The following RASA2 variants were observed in gnomAD, a reference collection of about 807,000 sequenced individuals.
RASA2 encodes RAS p21 protein activator 2, also known as ras GTPase-activating protein 2.
A neutral mutation model predicts 118.2 loss-of-function variants in RASA2; 155 were observed. That is an observed-to-expected ratio of 1.31 (90% CI 1.15 to 1.50). The LOEUF is 1.50. RASA2 is among the 40% of genes most tolerant of loss of function. RASA2 has a pLI of 0.00. For synonymous variants in RASA2, 353 were observed against 349.1 expected (o/e 1.01, Z -0.12); for missense variants, 1,016 against 1,009.6 (o/e 1.01, Z -0.09).
chr3:141,602,152 T>C (rs2083474143), intron 19 of RASA2, among the ~76,000 whole-genome samples: 1 of 152,220 alleles, frequency 6.6e-6, no homozygotes, highest in Non-Finnish European at 1.5e-5. Flanking sequence ...TCCCAAGTTA[T>C]GTGTCACACT....
intron 1 of RASA2, among the ~76,000 whole-genome samples, chr3:141,496,569 T>C (rs1446529783): frequency 1.3e-5 from 2 of 152,150 alleles, no homozygotes; most frequent in East Asian, 1.9e-4. Context: ...AAATAATGCT[T>C]ATCATCACTG....
At chr3:141,531,702 C>T (rs1238183975) in intron 4 of RASA2, among the ~76,000 whole-genome samples, 1 of 151,872 alleles carries the variant, frequency 6.6e-6, no homozygotes, top group African/African-American at 2.4e-5. Context: ...CTTTACAACT[C>T]TTTTGTCTTA....
intron 9 of RASA2, among the ~76,000 whole-genome samples, chr3:141,560,250 A>C (rs974801588): frequency 2.3e-4 from 35 of 152,306 alleles, no homozygotes; most frequent in African/African-American, 7.9e-4. Context: ...ACGACTCTTA[A>C]GGAGAAAAAT....
intron 19 of RASA2, among the ~76,000 whole-genome samples, chr3:141,599,245 T>A (rs900605745): frequency 2.0e-5 from 3 of 150,636 alleles, no homozygotes; most frequent in African/African-American, 7.3e-5. Flanking sequence ...TTTTGGGTTT[T>A]TTTTTTTTTT....
In RASA2 at chr3:141,563,028, A is replaced by G. The variant is rs902965729; in HGVS notation, c.863+3033A>G. On this transcript the variant is annotated intron_variant, in intron 9 of 23. Coordinates refer to ENST00000286364, the MANE Select transcript of RASA2 (RefSeq NM_006506.5). ...TTCTCTCATTTACATAGCATTATGT[A>G]CAAATAATTGCACTTTGGGTTTGTC... 4.6e-5 allele frequency among the ~76,000 whole-genome samples: 7 copies of G among 152,220 alleles called. No individual in the cohort carries two copies. In the East Asian group the frequency reaches 1.3e-3, roughly 29 times the overall value.
chr3:141,507,479 CTT>C (rs538578639), intron 1 of RASA2, among the ~76,000 whole-genome samples: 1 of 152,132 alleles, frequency 6.6e-6, no homozygotes, highest in African/African-American at 2.4e-5. Context: ...ATCAGAAAGA[CTT>C]TTGCAGAATT....
chr3:141,529,694 CTTAT>C lies in RASA2; in HGVS notation c.356-11_356-8del. The C allele has an allele frequency of 6.3e-7, 1 of 1,576,164 alleles. No individual in the cohort carries two copies. Among genetic ancestry groups the C allele is most frequent in the South Asian group, 1.1e-5 (1 of 90,162 alleles). On this transcript the variant is annotated splice_polypyrimidine_tract_variant and intron_variant, in intron 3 of 23. Coordinates refer to ENST00000286364, the MANE Select transcript of RASA2 (RefSeq NM_006506.5). ...AAGCATGTTTTCTTATATTGTTTTA[CTTAT>C]TTTCTGTAGGAAAAGTAGCCATCAA...
intron 3 of RASA2, among the ~76,000 whole-genome samples, chr3:141,524,666 C>G (rs952888740): frequency 3.3e-5 from 5 of 152,196 alleles, no homozygotes; most frequent in African/African-American, 1.2e-4. Flanking sequence ...TTTCATCTTA[C>G]TGCAACCTCT....
chr3:141,570,104 T>TA (rs199701447), intron 9 of RASA2, among the ~76,000 whole-genome samples: 1 of 151,160 alleles, frequency 6.6e-6, no homozygotes, highest in Non-Finnish European at 1.5e-5. Flanking sequence ...TTTTTTTTTT[T>TA]AAACTCTTAG....
intron 3 of RASA2, among the ~76,000 whole-genome samples, chr3:141,526,290 A>G (rs972695400): frequency 6.6e-6 from 1 of 151,782 alleles, no homozygotes; most frequent in Non-Finnish European, 1.5e-5. Context: ...TTTACTGTTA[A>G]TGCCTGCCAG....
intron 4 of RASA2, among the ~76,000 whole-genome samples, chr3:141,530,052 T>G (rs751021021): frequency 6.6e-6 from 1 of 152,116 alleles, no homozygotes; most frequent in Non-Finnish European, 1.5e-5. Flanking sequence ...TTACCTTCTG[T>G]TTGAGTCACA....
At chr3:141,584,569 A>G (rs2083170009) in intron 17 of RASA2, among the ~76,000 whole-genome samples, 1 of 152,074 alleles carries the variant, frequency 6.6e-6, no homozygotes, top group Admixed American at 6.6e-5. Context: ...TAATCTGTTT[A>G]CTCTTCAGTC....
chr3:141,547,208 T>C (rs905677392), intron 5 of RASA2, among the ~76,000 whole-genome samples: 1 of 152,100 alleles, frequency 6.6e-6, no homozygotes, highest in Non-Finnish European at 1.5e-5. Flanking sequence ...ATATAAATTT[T>C]GGGATTTTTT....
chr3:141,612,620 G>A lies in RASA2; in HGVS notation c.*307G>A, dbSNP rs2083669744. The A allele has an allele frequency of 3.4e-5, 9 of 262,910 alleles. No individual in the cohort carries two copies. The highest frequency in any genetic ancestry group is 1.3e-3 in the Middle Eastern group (1 of 798). The allele number at this position is 262,910 out of a possible 1,614,324, so 16.3% of individuals were successfully genotyped here. A position where few individuals can be genotyped will look rare whatever the true frequency, so the allele number is the denominator to read the frequency against. On this transcript the variant is annotated 3_prime_UTR_variant, in exon 24 of 24. Transcript: ENST00000286364. ...TTTGTAACAAAGGGAGAACTCCTCCGTAGCAAGAAACCATCTCTTCTTGTA... is the reference window on the plus strand; with the variant it reads ...TTTGTAACAAAGGGAGAACTCCTCCATAGCAAGAAACCATCTCTTCTTGTA...
At chr3:141,573,426 C>T (rs1448165444) in intron 13 of RASA2, among the ~76,000 whole-genome samples, 1 of 152,044 alleles carries the variant, frequency 6.6e-6, no homozygotes, top group Non-Finnish European at 1.5e-5. Context: ...TATTTTTGTT[C>T]TTGATTGTCT....
rs148512785 is a variant in RASA2 at position 141,549,911 on chromosome 3, G to A, written c.528-3946G>A. 1.4e-3 allele frequency among the ~76,000 whole-genome samples: 218 copies of A among 152,096 alleles called. 7 individuals carry two copies. In the East Asian group the frequency reaches 0.024, roughly 17 times the overall value. ...AAAGGGACTTCAAATTACCAAATCT[G>A]GAACAATTTGAGCTTCAGAATAAAT... On this transcript the variant is annotated intron_variant, in intron 5 of 23. Coordinates refer to ENST00000286364, the MANE Select transcript of RASA2 (RefSeq NM_006506.5).
chr3:141,574,179 T>TATTTA (rs1553796616), intron 14 of RASA2, 112 bp downstream of exon 14: 7 of 702,168 alleles, frequency 1.0e-5, no homozygotes, highest in Admixed American at 4.6e-5. Context: ...TATTTATTTA[T>TATTTA]TTTTATTTTA....
intron 19 of RASA2, among the ~76,000 whole-genome samples, chr3:141,599,882 A>G (rs940827918): frequency 6.6e-6 from 1 of 152,238 alleles, no homozygotes; most frequent in Non-Finnish European, 1.5e-5. Flanking sequence ...AAATTAAGTT[A>G]TGTAGAACAC....
rs111501901 is a variant in RASA2 at position 141,587,808 on chromosome 3, T to A, written c.1933+1056T>A. Among the ~76,000 whole-genome samples the A allele has an allele frequency of 6.7e-3, 1,018 of 151,462 alleles. 15 individuals carry two copies. Among genetic ancestry groups the A allele is most frequent in the African/African-American group, 0.024 (974 of 41,316 alleles). ...TTTAGTATCTAGATGACAGATCACATCTATATAGTAGAATCCCTTCTGTCC... is the reference window on the plus strand; with the variant it reads ...TTTAGTATCTAGATGACAGATCACAACTATATAGTAGAATCCCTTCTGTCC... On this transcript the variant is annotated intron_variant, in intron 19 of 23. Transcript: ENST00000286364.
Sources: gnomAD v4.1 joint callset for allele counts (sites outside exome capture counted in the v4.1 genomes callset) on GRCh38, gnomAD v4.1.1 for gene constraint, MANE v1.5 for transcripts, NCBI Gene and HGNC (gene_info 2026-07-23, HGNC 2026-07-21) for gene names.